The following SOX5 variants were observed in gnomAD, a reference collection of about 807,000 sequenced individuals.
The protein encoded by SOX5 is SRY-box transcription factor 5.
Under a neutral mutation model 92.0 loss-of-function variants are expected in SOX5, and 9 were observed. The observed-to-expected ratio is 0.10, with a 90% CI of 0.06 to 0.17. The LOEUF (loss-of-function observed/expected upper bound fraction) is 0.17. Ranked by LOEUF, SOX5 falls within the 10% of genes least tolerant of loss-of-function variation. The probability of loss-of-function intolerance (pLI) is 1.00; values close to 1 mark genes in which losing one functional copy is unlikely to be tolerated. For missense variants in SOX5, 642 were observed against 944.5 expected (o/e 0.68, Z 4.20); for synonymous variants, 344 against 336.3 (o/e 1.02, Z -0.25).
chr12:24,402,089 T>G (rs1385655339), intron 1 of SOX5, among the ~76,000 whole-genome samples: 2 of 152,078 alleles, frequency 1.3e-5, no homozygotes, highest in Non-Finnish European at 2.9e-5. Flanking sequence ...CACTTCAGAG[T>G]AAAATGAGGA....
chr12:24,413,052 G>C (rs1364883241), intron 1 of SOX5, among the ~76,000 whole-genome samples: 2 of 152,186 alleles, frequency 1.3e-5, no homozygotes, highest in African/African-American at 4.8e-5. Context: ...ATCGCGCCCG[G>C]CCTCAGTTAG....
chr12:24,273,472 C>CA (rs1029864069), intron 3 of SOX5, among the ~76,000 whole-genome samples: 8 of 152,038 alleles, frequency 5.3e-5, no homozygotes, highest in African/African-American at 1.9e-4. Context: ...ATATTTACCC[C>CA]AAAAAAATTT....
At chr12:24,255,984 A>G (rs1941091685) in intron 3 of SOX5, among the ~76,000 whole-genome samples, 1 of 152,232 alleles carries the variant, frequency 6.6e-6, no homozygotes, top group Non-Finnish European at 1.5e-5. Context: ...TTGTTAAGTC[A>G]TACCAACATA....
chr12:23,748,567 T>C (rs1242091083), intron 4 of SOX5, among the ~76,000 whole-genome samples: 2 of 151,914 alleles, frequency 1.3e-5, no homozygotes, highest in African/African-American at 4.8e-5. Context: ...AAAGTACAAG[T>C]AAACTCACTT....
At chr12:23,585,597 TCAGGTTAAGAG>T (rs1034522492) in intron 9 of SOX5, among the ~76,000 whole-genome samples, 2 of 152,146 alleles carry the variant, frequency 1.3e-5, no homozygotes, top group African/African-American at 4.8e-5. Context: ...GTTCCACTGT[TCAGGTTAAGAG>T]CAGTACAGTA....
At chr12:23,547,882 T>A (rs1378040768) in intron 11 of SOX5, among the ~76,000 whole-genome samples, 1 of 152,082 alleles carries the variant, frequency 6.6e-6, no homozygotes, top group Non-Finnish European at 1.5e-5. Flanking sequence ...CTGCTTCATA[T>A]GTTTTGGATG....
intron 3 of SOX5, among the ~76,000 whole-genome samples, chr12:23,836,590 T>C (rs1650823618): frequency 6.6e-6 from 1 of 152,014 alleles, no homozygotes; most frequent in African/African-American, 2.4e-5. Context: ...TGGTGCACTA[T>C]TCTTTTCTAA....
chr12:23,856,666 T>C (rs1367939649), intron 2 of SOX5, among the ~76,000 whole-genome samples: 1 of 152,060 alleles, frequency 6.6e-6, no homozygotes, highest in Non-Finnish European at 1.5e-5. Flanking sequence ...TATAAGAAAA[T>C]AAAGCTGGTT....
chr12:24,419,020 T>C (rs1015308840), intron 1 of SOX5, among the ~76,000 whole-genome samples: 2 of 152,178 alleles, frequency 1.3e-5, no homozygotes, highest in African/African-American at 4.8e-5. Context: ...TCCAAAATTA[T>C]AGCACAACAA....
At chr12:23,658,155 AGTATAAGCTATTATTTTTAT>A (rs1424891154) in intron 7 of SOX5, among the ~76,000 whole-genome samples, 8 of 152,232 alleles carry the variant, frequency 5.3e-5, no homozygotes, top group African/African-American at 1.9e-4. Context: ...AATAAAGTAC[AGTATAAGCTATTATTTTTAT>A]GTCAAGTTAT....
At chr12:23,923,627 C>CTTT (rs1374734523) in intron 1 of SOX5, among the ~76,000 whole-genome samples, 3 of 152,076 alleles carry the variant, frequency 2.0e-5, no homozygotes, top group African/African-American at 4.8e-5. Flanking sequence ...GCAATCCCCG[C>CTTT]CCCAAGCTCA....
intron 2 of SOX5, among the ~76,000 whole-genome samples, chr12:23,880,229 C>T (rs762280531): frequency 3.3e-5 from 5 of 152,174 alleles, no homozygotes; most frequent in African/African-American, 4.8e-5. Context: ...GCTCATCCTT[C>T]AACCCTTAAA....
chr12:24,355,513 G>T (rs1431552551), intron 2 of SOX5, among the ~76,000 whole-genome samples: 1 of 151,830 alleles, frequency 6.6e-6, no homozygotes, highest in Non-Finnish European at 1.5e-5. Flanking sequence ...GGGCACCCAT[G>T]GGCATTTTAA....
At chr12:23,658,230 T>C (rs1428759279) in intron 7 of SOX5, among the ~76,000 whole-genome samples, 4 of 152,314 alleles carry the variant, frequency 2.6e-5, no homozygotes, top group Non-Finnish European at 5.9e-5. Context: ...TTTTCAGTAA[T>C]ATAATCTTAA....
At chr12:23,923,175 G>A (rs1324817387) in intron 1 of SOX5, among the ~76,000 whole-genome samples, 1 of 152,048 alleles carries the variant, frequency 6.6e-6, no homozygotes, top group Non-Finnish European at 1.5e-5. Flanking sequence ...TCAATCTCCT[G>A]ACCTCAATCT....
At chr12:23,793,837 C>T (rs998914902) in intron 3 of SOX5, among the ~76,000 whole-genome samples, 3 of 152,182 alleles carry the variant, frequency 2.0e-5, no homozygotes, top group African/African-American at 4.8e-5. Flanking sequence ...AGGTAGCACA[C>T]TGTCAACTCT....
chr12:24,240,820 A>G (rs882281), intron 3 of SOX5, among the ~76,000 whole-genome samples: 37,425 of 152,064 alleles, frequency 0.25, 5,592 homozygotes, highest in East Asian at 0.74. Flanking sequence ...TTTTCCATAC[A>G]GCCATTCTAT....
At chr12:23,789,994 T>G (rs1026225298) in intron 3 of SOX5, among the ~76,000 whole-genome samples, 5 of 152,168 alleles carry the variant, frequency 3.3e-5, no homozygotes, top group African/African-American at 1.2e-4. Context: ...CAGAATGCTT[T>G]TTATAAGCAC....
intron 2 of SOX5, among the ~76,000 whole-genome samples, chr12:24,328,219 A>G (rs964815441): frequency 5.3e-5 from 8 of 152,168 alleles, no homozygotes; most frequent in African/African-American, 1.9e-4. Context: ...AGCAAATCCT[A>G]TTTCCTGAAT....
Sources: allele counts gnomAD v4.1 joint callset (sites outside exome capture counted in the v4.1 genomes callset), GRCh38; gene constraint gnomAD v4.1.1; transcripts MANE v1.5; gene names NCBI Gene and HGNC (gene_info 2026-07-23, HGNC 2026-07-21).